Variants in FAT1 observed in about 807,000 individuals in gnomAD.
The protein encoded by FAT1 is protocadherin Fat 1.
In FAT1, 171 loss-of-function variants were observed where a neutral mutation model predicts 329.8. That is an observed-to-expected ratio of 0.52 (90% confidence interval 0.46 to 0.59). The LOEUF is 0.59. FAT1 is among the 20% of genes least tolerant of loss of function. FAT1 has a pLI of 0.00. For missense variants in FAT1, 5,672 were observed against 5,774.4 expected, an observed-to-expected ratio of 0.98 and a Z score of 0.57; for synonymous variants, 2,233 against 2,228.6, an observed-to-expected ratio of 1.00 and a Z score of -0.06.
chr4:186,604,532 T>C lies in FAT1; in HGVS notation c.10393A>G (p.Thr3465Ala). 1.9e-6 allele frequency: 3 copies of C among 1,613,500 alleles called. No homozygotes were observed. Among genetic ancestry groups the C allele is most frequent in the Non-Finnish European group, 2.5e-6 (3 of 1,179,642 alleles). ...VGFSVLQLVV[T>A]DEDSSHNGPP... is the part of the protein sequence containing the mutation. ...CCGTTATGGGAAGAATCCTCATCTG[T>C]TACTACCAGCTGCAGCACGCTGAAG... The change falls in exon 18 of 27, where the codon ACA becomes GCA. Residue 3465 changes from threonine to alanine, a missense_variant. Physicochemically the swap from Thr to Ala is moderately conservative, Grantham distance 58. Coordinates refer to ENST00000441802, the MANE Select transcript of FAT1 (RefSeq NM_005245.4).
chr4:186,636,927 A>C lies in FAT1; in HGVS notation c.3643-13T>G, dbSNP rs1243558821. ...CTGTCACAGTAACCTGTTTTTTTAA[A>C]GTTAACAGATTAACATGTTAAGATA... On this transcript the variant is annotated splice_polypyrimidine_tract_variant and intron_variant, in intron 4 of 26. Transcript: ENST00000441802. 3.8e-6 allele frequency: 6 copies of C among 1,581,856 alleles called. No homozygotes were observed. Among genetic ancestry groups the C allele is most frequent in the Non-Finnish European group, 5.1e-6 (6 of 1,166,688 alleles).
chr4:186,632,008 T>C (rs1812221), intron 7 of FAT1, among the ~76,000 whole-genome samples: 3,852 of 152,238 alleles, frequency 0.025, 60 homozygotes, highest in Middle Eastern at 0.054. Flanking sequence ...TGTTCTCTTA[T>C]AGTCCGACTG....
rs371917923 is a variant in FAT1 at position 186,605,257 on chromosome 4, G to T, written c.10351-683C>A. Among the ~76,000 whole-genome samples, 14 of 148,066 alleles carry T rather than the reference G, an allele frequency of 9.5e-5. No homozygotes were observed. The East Asian group carries it at 2.4e-3, about 26-fold the overall frequency. ...AAAAGAGGAAGAGAGGAAGGAAGAG[G>T]AGGAGTGGGGAGGAGAAAGAGAAGA... On this transcript the variant is annotated intron_variant, in intron 17 of 26. Coordinates refer to ENST00000441802, the MANE Select transcript of FAT1 (RefSeq NM_005245.4).
In FAT1 at chr4:186,709,419, C is replaced by T. The variant is rs2126704053; in HGVS notation, c.409G>A (p.Val137Met). The change falls in exon 2 of 27, where the codon GTG (valine) becomes ATG (methionine). Residue 137 changes from valine (V) to methionine (M), a missense_variant. Around this residue, in one of 2 missense-constraint regions of FAT1, gnomAD observed 3,966 missense variants for 3,915.2 expected, o/e 1.01. Coordinates refer to ENST00000441802, the MANE Select transcript of FAT1 (RefSeq NM_005245.4). ...TNVEARTKVR[V>M]QVLDTNDLRP... ...AAGTCATTTGTATCCAGCACCTGCA[C>T]CCTGACCTTTGTTCGCGCCTCCACA... 6.2e-7 allele frequency: 1 copy of T among 1,613,862 alleles called. No individual in the cohort carries two copies. Among genetic ancestry groups the T allele is most frequent in the South Asian group, 1.1e-5 (1 of 91,076 alleles).
chr4:186,644,695 C>T (rs1416396175), intron 3 of FAT1, among the ~76,000 whole-genome samples: 2 of 152,210 alleles, frequency 1.3e-5, no homozygotes, highest in African/African-American at 4.8e-5. Flanking sequence ...TAAAATTGTG[C>T]TCTTTGACAT....
rs1738748591 is a variant in FAT1 at position 186,600,283 on chromosome 4, G to A, written c.11718C>T (p.Val3906=). 6.2e-7 allele frequency: 1 copy of A among 1,613,830 alleles called. No individual in the cohort carries two copies. The highest frequency in any genetic ancestry group is 2.2e-5 in the East Asian group (1 of 44,864). ...PGIVSVQSIQ[V]NDGQWHAVAL... is the part of the protein sequence containing the mutation. ...CCACTGCGTGCCACTGCCCATCATT[G>A]ACCTGAATGCTCTGAACAGAGACAA... The change falls in exon 22 of 27, where the codon GTC becomes GTT. Residue 3906 remains valine (V), a synonymous_variant. Transcript: ENST00000441802.
chr4:186,705,459 T>G (rs954993558), intron 2 of FAT1, among the ~76,000 whole-genome samples: 4 of 152,196 alleles, frequency 2.6e-5, no homozygotes, highest in African/African-American at 7.2e-5. Context: ...GTAAACAAAT[T>G]GAGCCCCACC....
chr4:186,719,993 C>A (rs1365687372), intron 1 of FAT1, among the ~76,000 whole-genome samples: 1 of 152,128 alleles, frequency 6.6e-6, no homozygotes, highest in African/African-American at 2.4e-5. Flanking sequence ...TGATTCTTAA[C>A]CTTGCATTAA....
intron 6 of FAT1, among the ~76,000 whole-genome samples, chr4:186,634,462 T>G (rs2126557714): frequency 6.6e-6 from 1 of 152,312 alleles, no homozygotes; most frequent in Admixed American, 6.5e-5. Context: ...AATAGAGGTT[T>G]AATGTCATGA....
intron 2 of FAT1, among the ~76,000 whole-genome samples, chr4:186,697,771 C>T (rs2126669671): frequency 6.6e-6 from 1 of 152,298 alleles, no homozygotes; most frequent in Non-Finnish European, 1.5e-5. Context: ...CCATCATCAT[C>T]ATCACCATTA....
chr4:186,656,357 C>T (rs1369786778), intron 3 of FAT1, among the ~76,000 whole-genome samples: 2 of 152,138 alleles, frequency 1.3e-5, no homozygotes, highest in African/African-American at 4.8e-5. Context: ...GCCCAGATGC[C>T]ACAGCATTCA....
rs1053851129 is a variant in FAT1, at chr4:186,617,695, G to C, written c.8878+13C>G. On this transcript the variant is annotated intron_variant, in intron 10 of 26. Transcript: ENST00000441802. ...TTAAATTAATTAAACCGTTTGGTAT[G>C]AATTTTTTTTACCTGTTATGAAATA... 2.6e-6 allele frequency: 4 copies of C among 1,532,524 alleles called. No individual in the cohort carries two copies. The highest frequency in any genetic ancestry group is 3.5e-6 in the Non-Finnish European group (4 of 1,137,862). 94.9% of individuals were successfully genotyped at this position (1,532,524 alleles called of 1,614,324 possible).
At chr4:186,646,115 C>T (rs80004827) in intron 3 of FAT1, among the ~76,000 whole-genome samples, 11 of 151,882 alleles carry the variant, frequency 7.2e-5, no homozygotes, top group African/African-American at 2.2e-4. Flanking sequence ...TCATCGATGA[C>T]CCCACACTGA....
intron 22 of FAT1, among the ~76,000 whole-genome samples, chr4:186,599,172 G>A (rs1382478396): frequency 6.6e-6 from 1 of 152,196 alleles, no homozygotes; most frequent in Admixed American, 6.5e-5. Context: ...AAATGAGAGT[G>A]TTTCTGTGGG....
rs752748597 is a variant in FAT1, at chr4:186,708,791, T to G, written c.1037A>C (p.Gln346Pro). The G allele has an allele frequency of 1.5e-5, 25 of 1,613,986 alleles. 1 individual carries two copies. The South Asian group carries it at 2.6e-4, about 17-fold the overall frequency. The change falls in exon 2 of 27, where the codon CAG becomes CCG. Residue 346 changes from glutamine (Q) to proline (P), a missense_variant. By Grantham distance (76) the Gln-to-Pro change is moderately conservative (BLOSUM62 -1). This residue lies in a region of FAT1 where 3,966 missense variants were observed against 3,915.2 expected (regional missense o/e 1.01). Coordinates refer to ENST00000441802, the MANE Select transcript of FAT1 (RefSeq NM_005245.4). Reference protein sequence around the residue: ...LQAKDKGTPPQFSSVKVIHVT... With the variant: ...LQAKDKGTPPPFSSVKVIHVT... ...GTGAATGACTTTAACAGAAGAGAAC[T>G]GGGGCGGAGTTCCTTTATCTTTAGC...
chr4:186,716,666 C>G (rs1745221805), intron 1 of FAT1, among the ~76,000 whole-genome samples: 1 of 152,202 alleles, frequency 6.6e-6, no homozygotes, highest in East Asian at 1.9e-4. Context: ...GATCGACCTG[C>G]CTGGACCTCC....
intron 3 of FAT1, among the ~76,000 whole-genome samples, chr4:186,640,588 T>A (rs1020702869): frequency 6.6e-6 from 1 of 152,220 alleles, no homozygotes; most frequent in African/African-American, 2.4e-5. Context: ...TAAAAAGTAA[T>A]GTAATTTTCC....
At chr4:186,722,311 G>C (rs953651744) in intron 1 of FAT1, among the ~76,000 whole-genome samples, 1 of 152,188 alleles carries the variant, frequency 6.6e-6, no homozygotes, top group Non-Finnish European at 1.5e-5. Context: ...GAGTGCCAAA[G>C]AATTTGGCTC....
At chr4:186,614,624 T>C (rs941780902) in intron 11 of FAT1, among the ~76,000 whole-genome samples, 10 of 152,226 alleles carry the variant, frequency 6.6e-5, no homozygotes, top group African/African-American at 2.2e-4. Flanking sequence ...TAAGCTGATT[T>C]CATATTCAAA....
Sources: gnomAD v4.1 joint callset for allele counts (sites outside exome capture counted in the v4.1 genomes callset) on GRCh38, gnomAD v4.1.1 for gene constraint, gnomAD v4.1.1 regional missense constraint, MANE v1.5 for transcripts, NCBI Gene and HGNC (gene_info 2026-07-23, HGNC 2026-07-21) for gene names.